Variants in PAX3 observed in about 807,000 individuals in gnomAD.
PAX3 encodes paired box 3.
Under a neutral mutation model 51.6 loss-of-function variants are expected in PAX3, and 14 were observed. The observed-to-expected ratio is 0.27, with a 90% CI of 0.18 to 0.42. The LOEUF (loss-of-function observed/expected upper bound fraction) is 0.42. Ranked by LOEUF, PAX3 falls within the 10% of genes least tolerant of loss-of-function variation. The pLI is 1.00. For synonymous variants in PAX3, 280 were observed against 253.4 expected (o/e 1.11, Z -1.00); for missense variants, 540 against 642.8 (o/e 0.84, Z 1.73).
chr2:222,203,931 C>T (rs534353303), intron 7 of PAX3, among the ~76,000 whole-genome samples: 28 of 152,100 alleles, frequency 1.8e-4, no homozygotes, highest in Non-Finnish European at 3.8e-4. Context: ...ATTTTGTTGT[C>T]TCTCTTTCAT....
chr2:222,297,289 A>C, intron 1 of PAX3, 76 bp from the exon 2 acceptor site: 1 of 1,172,554 alleles, frequency 8.5e-7, no homozygotes, highest in Non-Finnish European at 1.2e-6. Flanking sequence ...GCAGCACGTA[A>C]TTTCGCAGTC....
chr2:222,293,887 C>T lies in PAX3; in HGVS notation c.586+280G>A, dbSNP rs139232902. 8.1e-6 allele frequency: 13 copies of T among 1,600,258 alleles called. No individual in the cohort carries two copies. The African/African-American group carries it at 9.4e-5, about 12-fold the overall frequency. ...GAGTGAGAGCTTCCCCTGCCCCCTA[C>T]AACAGAGCACAATTCACAGTTCTAG... On this transcript the variant is annotated intron_variant, in intron 4 of 8. Coordinates refer to ENST00000392070, the MANE Select transcript of PAX3 (RefSeq NM_181458.4).
intron 5 of PAX3, among the ~76,000 whole-genome samples, chr2:222,230,412 G>A (rs13400426): frequency 0.11 from 16,198 of 149,402 alleles, 896 homozygotes; most frequent in Middle Eastern, 0.15. Context: ...GGGCCTGTTG[G>A]GGGGTGGGGG....
intron 3 of PAX3, among the ~76,000 whole-genome samples, chr2:222,294,848 C>T (rs1455595150): frequency 1.5e-5 from 2 of 134,660 alleles, no homozygotes; most frequent in Admixed American, 1.6e-4. Context: ...GTTTAAATTT[C>T]AACTGCAGAA....
chr2:222,227,324 T>C (rs903407921), intron 5 of PAX3, among the ~76,000 whole-genome samples: 1 of 152,220 alleles, frequency 6.6e-6, no homozygotes, highest in African/African-American at 2.4e-5. Flanking sequence ...CCAGACATAG[T>C]GGCTTACACC....
chr2:222,215,292 G>A (rs970909661), intron 7 of PAX3, among the ~76,000 whole-genome samples: 15 of 152,114 alleles, frequency 9.9e-5, no homozygotes, highest in African/African-American at 2.7e-4. Flanking sequence ...ATGTGTTTTA[G>A]GTTTTACCAA....
chr2:222,283,761 G>A (rs758145552), intron 4 of PAX3, among the ~76,000 whole-genome samples: 10 of 152,260 alleles, frequency 6.6e-5, no homozygotes, highest in Non-Finnish European at 1.2e-4. Context: ...CTGCTGCGAA[G>A]CCTAAGCCGC....
intron 7 of PAX3, among the ~76,000 whole-genome samples, chr2:222,208,282 T>C (rs911922818): frequency 1.3e-5 from 2 of 149,006 alleles, no homozygotes; most frequent in African/African-American, 2.4e-5. Flanking sequence ...ATGTGCAATA[T>C]TGGGGGACTA....
intron 4 of PAX3, among the ~76,000 whole-genome samples, chr2:222,251,895 A>G (rs1022883754): frequency 6.6e-6 from 1 of 152,178 alleles, no homozygotes; most frequent in African/African-American, 2.4e-5. Flanking sequence ...TTGCCTTGCT[A>G]CATAACCAGA....
intron 4 of PAX3, among the ~76,000 whole-genome samples, chr2:222,241,611 G>A (rs1017420854): frequency 6.6e-5 from 10 of 152,186 alleles, no homozygotes; most frequent in Admixed American, 3.9e-4. Flanking sequence ...CCCGAGTGCT[G>A]CATTATAAGA....
At chr2:222,202,813 C>T (rs1691352489) in intron 7 of PAX3, among the ~76,000 whole-genome samples, 1 of 150,840 alleles carries the variant, frequency 6.6e-6, no homozygotes, top group Non-Finnish European at 1.5e-5. Flanking sequence ...TTACCCCTCC[C>T]ACTGTATATT....
Position 222,201,953 on chromosome 2 carries a change from A to G in PAX3, c.1411T>C (p.Tyr471His). 6.2e-7 allele frequency: 1 copy of G among 1,614,068 alleles called. No individual in the cohort carries two copies. The highest frequency in any genetic ancestry group is 1.1e-5 in the South Asian group (1 of 91,076). The change falls in exon 8 of 9, where the codon TAT becomes CAT. Residue 471 changes from tyrosine to histidine, a missense_variant. Transcript: ENST00000392070. Reference sequence around the variant, plus strand: ...AAAGTCCAAGGCTTACTTTGTCCATACTGCCCATATTGGTAGCCTGTGACA... The same window carrying G: ...AAAGTCCAAGGCTTACTTTGTCCATGCTGCCCATATTGGTAGCCTGTGACA... ...DPVTGYQYGQ[Y>H]GQSAFHYLKP...
At position 222,232,103 on chromosome 2, in the gene PAX3, G is replaced by A. The variant is rs766804639; in HGVS notation, c.767C>T (p.Ala256Val). The A allele has an allele frequency of 1.4e-5, 22 of 1,613,838 alleles. No homozygotes were observed. The highest frequency in any genetic ancestry group is 3.3e-5 in the Admixed American group (2 of 59,984). ...CTGTACTCGGGCCTCGGTGAGCTTC[G>A]CCCTCTGGGCCAGTTCCTCCCTAGT... The part of the protein sequence containing the change: ...IYTREELAQR[A>V]KLTEARVQVW... The change falls in exon 5 of 9, where the codon GCG (alanine) becomes GTG (valine). Residue 256 changes from alanine (A) to valine (V), a missense_variant. Ala to Val is a moderately conservative substitution (Grantham distance 64, BLOSUM62 0). Transcript: ENST00000392070.
chr2:222,229,054 T>C (rs1398111239), intron 5 of PAX3, among the ~76,000 whole-genome samples: 1 of 152,072 alleles, frequency 6.6e-6, no homozygotes, highest in Admixed American at 6.5e-5. Flanking sequence ...GAGGCATGAT[T>C]GGACCTCACA....
intron 4 of PAX3, among the ~76,000 whole-genome samples, chr2:222,250,621 A>G (rs1335502945): frequency 6.6e-6 from 1 of 152,168 alleles, no homozygotes; most frequent in African/African-American, 2.4e-5. Context: ...AGAAAAAAGA[A>G]TGTTTTTGGT....
At position 222,257,207 on chromosome 2, in the gene PAX3, T is replaced by C. The variant is rs1043626503; in HGVS notation, c.587-24924A>G. 2.2e-4 allele frequency among the ~76,000 whole-genome samples: 8 copies of C among 37,106 alleles called. No homozygotes were observed. The Admixed American group carries it at 3.0e-3, about 14-fold the overall frequency. 24.3% of individuals were successfully genotyped at this position (37,106 alleles called of 152,430 possible). ...CATCCGCTGCATAAATGGCTCAGCA[T>C]TTTTTTTTTTTGACCTTCAGATAAG... On this transcript the variant is annotated intron_variant, in intron 4 of 8. Coordinates refer to ENST00000392070, the MANE Select transcript of PAX3 (RefSeq NM_181458.4).
rs150420509 is a variant in PAX3 at position 222,293,705 on chromosome 2, A to ACT, written c.586+460_586+461dup. The ACT allele has an allele frequency of 3.9e-5, 63 of 1,602,120 alleles. No homozygotes were observed. The Middle Eastern group carries it at 5.0e-4, about 13-fold the overall frequency. On this transcript the variant is annotated intron_variant, in intron 4 of 8. Transcript: ENST00000392070. ...TTGGAGGGCCGTTGCCCAAAAGAGT[A>ACT]CTCTCTCTCTCTCTCCTTTAATGCG...
At chr2:222,241,135 T>C (rs976732530) in intron 4 of PAX3, among the ~76,000 whole-genome samples, 2 of 152,118 alleles carry the variant, frequency 1.3e-5, no homozygotes, top group African/African-American at 4.8e-5. Flanking sequence ...AAATTCTAGT[T>C]TACTGGGATT....
chr2:222,288,105 C>A (rs1694897787), intron 4 of PAX3, among the ~76,000 whole-genome samples: 1 of 152,144 alleles, frequency 6.6e-6, no homozygotes, highest in Non-Finnish European at 1.5e-5. Context: ...AAAGAAAAAC[C>A]TATGCAAATA....
Sources: allele counts gnomAD v4.1 joint callset (sites outside exome capture counted in the v4.1 genomes callset), GRCh38; gene constraint gnomAD v4.1.1; transcripts MANE v1.5; gene names NCBI Gene and HGNC (gene_info 2026-07-23, HGNC 2026-07-21).